The following NIBAN1 variants were observed in gnomAD, a reference collection of about 807,000 sequenced individuals.
NIBAN1 encodes the protein niban apoptosis regulator 1, also known as protein Niban 1.
Under a neutral mutation model 75.1 loss-of-function variants are expected in NIBAN1, and 81 were observed. That is an observed-to-expected ratio of 1.08 (90% CI 0.90 to 1.30). NIBAN1 has a LOEUF of 1.30. NIBAN1 is among the 50% of genes most tolerant of loss of function. The pLI is 0.00. For missense variants in NIBAN1, 1,133 were observed against 1,128.1 expected, an observed-to-expected ratio of 1.00 and a Z score of -0.06; for synonymous variants, 436 against 424.8, an observed-to-expected ratio of 1.03 and a Z score of -0.32.
intron 2 of NIBAN1, among the ~76,000 whole-genome samples, chr1:184,897,693 C>A (rs375776939): frequency 6.6e-6 from 1 of 152,200 alleles, no homozygotes; most frequent in Non-Finnish European, 1.5e-5. Flanking sequence ...CAAAAGGGAA[C>A]TCGTGATCCC....
chr1:184,936,042 G>A (rs536084216), intron 1 of NIBAN1, among the ~76,000 whole-genome samples: 1 of 151,618 alleles, frequency 6.6e-6, no homozygotes, highest in South Asian at 2.1e-4. Flanking sequence ...AAAAACAGGG[G>A]AAACTAAGCG....
chr1:184,885,192 G>A (rs2101970372), intron 4 of NIBAN1, among the ~76,000 whole-genome samples: 1 of 152,244 alleles, frequency 6.6e-6, no homozygotes, highest in South Asian at 2.1e-4. Context: ...GGGATTATAG[G>A]CGCATACCAC....
intron 1 of NIBAN1, among the ~76,000 whole-genome samples, chr1:184,922,461 T>A (rs112807345): frequency 0.018 from 2,702 of 152,308 alleles, 47 homozygotes; most frequent in South Asian, 0.046. Context: ...ATTGTTTTAA[T>A]TTTTAGCTCC....
chr1:184,915,630 G>C (rs532930252), intron 1 of NIBAN1, among the ~76,000 whole-genome samples: 1 of 152,294 alleles, frequency 6.6e-6, no homozygotes, highest in South Asian at 2.1e-4. Flanking sequence ...CTTGAAGGAT[G>C]GATGGCCTCG....
chr1:184,937,474 A>G (rs1159940982), intron 1 of NIBAN1, among the ~76,000 whole-genome samples: 1 of 152,194 alleles, frequency 6.6e-6, no homozygotes, highest in Non-Finnish European at 1.5e-5. Flanking sequence ...AAGAATATGT[A>G]TATTGTTTGT....
intron 1 of NIBAN1, among the ~76,000 whole-genome samples, chr1:184,950,890 G>A (rs1279322355): frequency 6.6e-6 from 1 of 152,186 alleles, no homozygotes. Context: ...AAAATATATT[G>A]TGAGCATATA....
intron 5 of NIBAN1, among the ~76,000 whole-genome samples, chr1:184,878,940 G>A (rs941334094): frequency 2.6e-5 from 4 of 152,118 alleles, no homozygotes; most frequent in African/African-American, 7.2e-5. Flanking sequence ...GGGAAGTTGG[G>A]GAGGGAAGGG....
At chr1:184,909,200 A>G (rs1188705465) in intron 1 of NIBAN1, among the ~76,000 whole-genome samples, 3 of 152,212 alleles carry the variant, frequency 2.0e-5, no homozygotes, top group Non-Finnish European at 4.4e-5. Context: ...ATCAGGCCAG[A>G]CTTAAAATAA....
intron 5 of NIBAN1, among the ~76,000 whole-genome samples, chr1:184,880,211 T>C (rs988657902): frequency 4.6e-5 from 7 of 152,218 alleles, no homozygotes; most frequent in Non-Finnish European, 1.0e-4. Flanking sequence ...TCCTTTAGTC[T>C]GAGTACCATG....
At chr1:184,828,335 A>G (rs1193575423) in intron 6 of NIBAN1, among the ~76,000 whole-genome samples, 1 of 152,206 alleles carries the variant, frequency 6.6e-6, no homozygotes, top group Non-Finnish European at 1.5e-5. Context: ...CCCCTAGGGT[A>G]GAGGGGTTCA....
intron 13 of NIBAN1, 121 bp downstream of exon 13, chr1:184,797,958 C>T: frequency 2.0e-6 from 1 of 512,454 alleles, no homozygotes; most frequent in East Asian, 3.1e-5. Context: ...CTGTCTGTCT[C>T]CCTCCCTCAC....
chr1:184,868,740 TA>T (rs35071132), intron 5 of NIBAN1, among the ~76,000 whole-genome samples: 72,848 of 150,686 alleles, frequency 0.48, 17,521 homozygotes, highest in South Asian at 0.56. Flanking sequence ...AGATTTTTTT[TA>T]AAAATATCAG....
At chr1:184,910,808 A>G (rs1432846124) in intron 1 of NIBAN1, among the ~76,000 whole-genome samples, 1 of 152,198 alleles carries the variant, frequency 6.6e-6, no homozygotes, top group Non-Finnish European at 1.5e-5. Flanking sequence ...CCCTCATCCA[A>G]TTAGTTGAAG....
At position 184,795,217 on chromosome 1, in the gene NIBAN1, G is replaced by A. The variant is rs35543943; in HGVS notation, c.2547C>T (p.Asp849=). 26,640 of 1,613,970 alleles carry A rather than the reference G, an allele frequency of 0.017. 3,345 individuals carry two copies. In the African/African-American group the frequency reaches 0.29, roughly 18 times the overall value. The change falls in exon 14 of 14, where the codon GAC becomes GAT. Residue 849 remains aspartate, a synonymous_variant. Coordinates refer to ENST00000367511, the MANE Select transcript of NIBAN1 (RefSeq NM_052966.4). ...SQQEGCTLGS[D]PICLSESQVS... is the part of the protein sequence containing the mutation. Reference sequence around the variant, plus strand: ...CCTGGCTCTCACTGAGGCAGATGGGGTCAGAACCTAAGGTGCAGCCCTCTT... The same window carrying A: ...CCTGGCTCTCACTGAGGCAGATGGGATCAGAACCTAAGGTGCAGCCCTCTT...
intron 5 of NIBAN1, among the ~76,000 whole-genome samples, chr1:184,834,591 G>C (rs890877773): frequency 6.6e-6 from 1 of 152,118 alleles, no homozygotes; most frequent in South Asian, 2.1e-4. Flanking sequence ...TGTGATTTGT[G>C]TTTCTCTGAT....
intron 1 of NIBAN1, among the ~76,000 whole-genome samples, chr1:184,913,137 G>GTATATATATATATATATATAT (rs56098797): frequency 6.4e-5 from 7 of 109,750 alleles, no homozygotes; most frequent in South Asian, 3.1e-4. Context: ...TATCATGCAG[G>GTATATATATATATATATATAT]TATATATATA....
chr1:184,937,577 A>G (rs1657994230), intron 1 of NIBAN1, among the ~76,000 whole-genome samples: 2 of 152,222 alleles, frequency 1.3e-5, no homozygotes, highest in Admixed American at 1.3e-4. Flanking sequence ...CATAAAGATG[A>G]AAGGTGGGGC....
At chr1:184,969,267 C>T (rs1658875352) in intron 1 of NIBAN1, among the ~76,000 whole-genome samples, 1 of 152,094 alleles carries the variant, frequency 6.6e-6, no homozygotes, top group African/African-American at 2.4e-5. Flanking sequence ...ACGAATTATG[C>T]AGGGTTAGTA....
chr1:184,902,120 C>A (rs1413288164), intron 1 of NIBAN1, among the ~76,000 whole-genome samples: 1 of 152,050 alleles, frequency 6.6e-6, no homozygotes, highest in African/African-American at 2.4e-5. Context: ...TGTAAGCTAG[C>A]ACTTTGGGAA....
Sources: allele counts gnomAD v4.1 joint callset (sites outside exome capture counted in the v4.1 genomes callset), GRCh38; gene constraint gnomAD v4.1.1; transcripts MANE v1.5; gene names NCBI Gene and HGNC (gene_info 2026-07-23, HGNC 2026-07-21).